The following MAD1L1 variants were observed in gnomAD, a reference collection of about 807,000 sequenced individuals.
MAD1L1 encodes the protein mitotic spindle assembly checkpoint protein MAD1.
A neutral mutation model predicts 96.9 loss-of-function variants in MAD1L1; 95 were observed. That is an observed-to-expected ratio of 0.98 (90% CI 0.83 to 1.16). The LOEUF (loss-of-function observed/expected upper bound fraction) is 1.16, where lower values mean the gene tolerates loss of function less well. Ranked by LOEUF, MAD1L1 falls within the 50% of genes most tolerant of loss-of-function variation. The pLI, the probability that MAD1L1 is intolerant of heterozygous loss-of-function variation, is 0.00. For missense variants in MAD1L1, 1,007 were observed against 954.4 expected (o/e 1.06, Z -0.73); for synonymous variants, 473 against 396.6 (o/e 1.19, Z -2.29).
intron 12 of MAD1L1, among the ~76,000 whole-genome samples, chr7:2,068,134 T>A (rs1784964673): frequency 6.6e-6 from 1 of 152,194 alleles, no homozygotes; most frequent in African/African-American, 2.4e-5. Context: ...TGAGAACATT[T>A]TGGAGTGTCC....
chr7:1,986,498 G>A (rs890511718), intron 14 of MAD1L1, among the ~76,000 whole-genome samples: 1 of 148,244 alleles, frequency 6.7e-6, no homozygotes. Context: ...GCTCCCTCGC[G>A]CCGGCAAGGG....
chr7:2,170,956 C>A (rs932203914), intron 10 of MAD1L1, among the ~76,000 whole-genome samples: 2 of 152,090 alleles, frequency 1.3e-5, no homozygotes, highest in South Asian at 4.1e-4. Context: ...GGGGGGTTGG[C>A]GGTTATAGGT....
intron 17 of MAD1L1, among the ~76,000 whole-genome samples, chr7:1,921,138 C>T (rs756467743): frequency 1.7e-4 from 26 of 152,172 alleles, no homozygotes; most frequent in Non-Finnish European, 2.5e-4. Flanking sequence ...AAGGGAACCC[C>T]GGCACGCTGC....
chr7:2,205,735 T>C (rs1792566111), intron 10 of MAD1L1, among the ~76,000 whole-genome samples: 1 of 152,260 alleles, frequency 6.6e-6, no homozygotes, highest in South Asian at 2.1e-4. Context: ...AGAAGAACCC[T>C]GTTGGGCGAT....
chr7:2,002,645 C>A (rs1781849988), intron 13 of MAD1L1, among the ~76,000 whole-genome samples: 1 of 152,178 alleles, frequency 6.6e-6, no homozygotes, highest in Non-Finnish European at 1.5e-5. Flanking sequence ...GGTCTCCTGC[C>A]CCGACACACT....
At chr7:2,186,989 C>T (rs201023580) in intron 10 of MAD1L1, among the ~76,000 whole-genome samples, 7 of 151,928 alleles carry the variant, frequency 4.6e-5, no homozygotes, top group East Asian at 3.9e-4. Context: ...GACGAGGTTT[C>T]GCCATGTTGG....
At chr7:2,167,674 G>A (rs1310812687) in intron 10 of MAD1L1, among the ~76,000 whole-genome samples, 2 of 152,074 alleles carry the variant, frequency 1.3e-5, no homozygotes, top group Admixed American at 1.3e-4. Flanking sequence ...AGGCAGTAGT[G>A]AGCTATGATC....
rs1002291832 is a variant in MAD1L1, at chr7:2,142,625, G to A, written c.1073+6527C>T. Among the ~76,000 whole-genome samples the A allele has an allele frequency of 6.6e-6, 1 of 152,242 alleles. No homozygotes were observed. The highest frequency in any genetic ancestry group is 2.1e-4 in the South Asian group (1 of 4,834). On this transcript the variant is annotated intron_variant, in intron 11 of 18. Transcript: ENST00000265854. This position sits in a 1 kb window ranked among gnomAD's most constrained non-coding sequence, Gnocchi z 4.7. ...CTGGACCAGACAGGCATGGCAGGCT[G>A]CCACCGTGGAATACATGGAGACAGC... is the stretch of plus-strand genomic sequence containing the variant.
chr7:2,017,518 G>C (rs1365084774), intron 12 of MAD1L1, among the ~76,000 whole-genome samples: 1 of 152,212 alleles, frequency 6.6e-6, no homozygotes, highest in Non-Finnish European at 1.5e-5. Context: ...AGCAGTAGAG[G>C]GCGGCTCTGC....
intron 12 of MAD1L1, among the ~76,000 whole-genome samples, chr7:2,067,607 C>T (rs552049004): frequency 4.6e-5 from 7 of 152,222 alleles, no homozygotes; most frequent in South Asian, 2.1e-4. Flanking sequence ...CCCAAACCCC[C>T]GCAGTGGTCA....
At chr7:2,213,108 G>C in intron 10 of MAD1L1, 104 bp downstream of exon 10, 1 of 1,219,678 alleles carries the variant, frequency 8.2e-7, no homozygotes, top group Non-Finnish European at 1.2e-6. Flanking sequence ...CAGCCACAGA[G>C]ATGCCTGGCT....
rs2128442063 is a variant in MAD1L1 at position 1,898,367 on chromosome 7, C to T, written c.1831G>A (p.Ala611Thr). 1 of 1,613,918 alleles carries T rather than the reference C, an allele frequency of 6.2e-7. No individual in the cohort carries two copies. The highest frequency in any genetic ancestry group is 8.5e-7 in the Non-Finnish European group (1 of 1,179,948). Residue 611 changes from alanine to threonine, a missense_variant, in exon 18 of 19, where the codon GCC becomes ACC. Transcript: ENST00000265854. ...VAELKKQVESAELKNQRLKEV... is the reference protein window; with the variant it reads ...VAELKKQVESTELKNQRLKEV... The stretch of plus-strand genomic sequence containing the variant: ...TTGAGCCGCTGGTTCTTCAGCTCGG[C>T]ACTCTCCACCTGCTTCTTCAGCTCT...
intron 11 of MAD1L1, among the ~76,000 whole-genome samples, chr7:2,132,569 C>G (rs1788571070): frequency 6.6e-6 from 1 of 152,226 alleles, no homozygotes; most frequent in Non-Finnish European, 1.5e-5. Flanking sequence ...TTGTCCATCC[C>G]TGGCAACCAC....
intron 18 of MAD1L1, among the ~76,000 whole-genome samples, chr7:1,830,974 CA>C (rs1782673287): frequency 2.6e-5 from 4 of 152,238 alleles, no homozygotes; most frequent in Admixed American, 2.6e-4. Flanking sequence ...ATTTAAGACT[CA>C]GCTATATCCT....
chr7:2,099,563 C>T (rs776847869), intron 11 of MAD1L1, among the ~76,000 whole-genome samples: 6 of 152,202 alleles, frequency 3.9e-5, no homozygotes, highest in Non-Finnish European at 8.8e-5. Flanking sequence ...ACTAACAACC[C>T]GCCACCCAGA....
At chr7:1,868,976 T>G (rs1784912282) in intron 18 of MAD1L1, among the ~76,000 whole-genome samples, 1 of 152,026 alleles carries the variant, frequency 6.6e-6, no homozygotes, top group Admixed American at 6.5e-5. Flanking sequence ...GCCCAAACCC[T>G]CGCGTGTGTA....
At chr7:1,850,923 C>T (rs551262504) in intron 18 of MAD1L1, among the ~76,000 whole-genome samples, 1 of 152,320 alleles carries the variant, frequency 6.6e-6, no homozygotes, top group Non-Finnish European at 1.5e-5. Flanking sequence ...TAGGAAGCAG[C>T]TTCCGGGCAT....
chr7:1,956,765 C>T (rs2128473687), intron 16 of MAD1L1, among the ~76,000 whole-genome samples: 1 of 152,366 alleles, frequency 6.6e-6, no homozygotes, highest in Middle Eastern at 3.4e-3. Context: ...TGGCCAGGCC[C>T]CATCAGGTGT....
chr7:2,096,850 G>GGCT (rs1331018332), intron 11 of MAD1L1, among the ~76,000 whole-genome samples: 1 of 152,128 alleles, frequency 6.6e-6, no homozygotes, highest in East Asian at 1.9e-4. Flanking sequence ...CGACAGCAGA[G>GGCT]GACGCTGGCC....
Sources: allele counts gnomAD v4.1 joint callset (sites outside exome capture counted in the v4.1 genomes callset), GRCh38; gene constraint gnomAD v4.1.1; non-coding constraint Gnocchi (gnomAD v3.1); transcripts MANE v1.5; gene names NCBI Gene and HGNC (gene_info 2026-07-23, HGNC 2026-07-21).